The following OTOGL variants were observed in gnomAD, a reference collection of about 807,000 sequenced individuals.
OTOGL encodes the protein otogelin-like protein.
Under a neutral mutation model 318.5 loss-of-function variants are expected in OTOGL, and 285 were observed. That is an observed-to-expected ratio of 0.89 (90% CI 0.81 to 0.99). The LOEUF is 0.99. Ranked by LOEUF, OTOGL falls within the 50% of genes least tolerant of loss-of-function variation. OTOGL has a pLI of 0.00. For synonymous variants in OTOGL, 987 were observed against 936.5 expected, an observed-to-expected ratio of 1.05 and a Z score of -0.99; for missense variants, 2,899 against 2,845.6, an observed-to-expected ratio of 1.02 and a Z score of -0.43.
intron 1 of OTOGL, among the ~76,000 whole-genome samples, chr12:80,116,101 A>G (rs1174212369): frequency 6.6e-6 from 1 of 152,140 alleles, no homozygotes; most frequent in Non-Finnish European, 1.5e-5. Flanking sequence ...GGGATGTGCA[A>G]AGAAACTCCT....
chr12:80,328,515 T>C (rs1887847626), intron 35 of OTOGL, 150 bp from the exon 36 acceptor site: 5 of 622,138 alleles, frequency 8.0e-6, no homozygotes, highest in Admixed American at 3.0e-5. Context: ...TAAAACGAAG[T>C]AGCAGATGGA....
intron 1 of OTOGL, among the ~76,000 whole-genome samples, chr12:80,129,348 A>G (rs1268649694): frequency 6.6e-6 from 1 of 152,200 alleles, no homozygotes; most frequent in Non-Finnish European, 1.5e-5. Context: ...ACTTGTCAAT[A>G]CTTTGGCCTT....
At chr12:80,304,103 C>T (rs1304388311) in intron 28 of OTOGL, among the ~76,000 whole-genome samples, 1 of 152,188 alleles carries the variant, frequency 6.6e-6, no homozygotes, top group East Asian at 1.9e-4. Flanking sequence ...TTGGGTCTGG[C>T]TTCTTTGACT....
intron 24 of OTOGL, among the ~76,000 whole-genome samples, chr12:80,274,052 G>A (rs957215676): frequency 1.3e-5 from 2 of 151,864 alleles, no homozygotes; most frequent in Non-Finnish European, 2.9e-5. Flanking sequence ...TATTCCCTGA[G>A]ACACAATACT....
intron 57 of OTOGL, among the ~76,000 whole-genome samples, chr12:80,376,544 T>C (rs946576316): frequency 2.0e-5 from 3 of 152,138 alleles, no homozygotes; most frequent in African/African-American, 7.2e-5. Context: ...ACAAAGTGTT[T>C]TCATTTGAAA....
At chr12:80,102,604 A>G (rs956803731) in intron 1 of OTOGL, among the ~76,000 whole-genome samples, 3 of 152,140 alleles carry the variant, frequency 2.0e-5, no homozygotes, top group Non-Finnish European at 4.4e-5. Context: ...TTACTTAAAC[A>G]TCCTTCCTGA....
chr12:80,218,555 T>G (rs1877962942), intron 5 of OTOGL, among the ~76,000 whole-genome samples: 1 of 152,178 alleles, frequency 6.6e-6, no homozygotes, highest in African/African-American at 2.4e-5. Flanking sequence ...TCTTGTCCTC[T>G]CCTTATTAGA....
chr12:80,364,100 A>T (rs1488820124), intron 52 of OTOGL, among the ~76,000 whole-genome samples: 1 of 152,148 alleles, frequency 6.6e-6, no homozygotes, highest in Non-Finnish European at 1.5e-5. Flanking sequence ...GAATTTTAAA[A>T]TGACTTTTAT....
At chr12:80,262,189 A>G in intron 19 of OTOGL, 96 bp downstream of exon 19, 4 of 1,217,350 alleles carry the variant, frequency 3.3e-6, no homozygotes, top group Non-Finnish European at 4.3e-6. Flanking sequence ...TTAAATTCTA[A>G]TTTTCTCCAT....
chr12:80,276,853 C>A (rs1035342540), intron 24 of OTOGL, among the ~76,000 whole-genome samples: 1 of 151,518 alleles, frequency 6.6e-6, no homozygotes, highest in Admixed American at 6.6e-5. Flanking sequence ...AGCTGAAAGT[C>A]TAGTGGACAG....
chr12:80,150,060 G>T (rs374964726), intron 1 of OTOGL, among the ~76,000 whole-genome samples: 8 of 152,140 alleles, frequency 5.3e-5, no homozygotes, highest in Admixed American at 1.3e-4. Flanking sequence ...GTTCCTATTC[G>T]GCCATCTTGG....
At chr12:80,187,457 A>G (rs1875371143) in intron 1 of OTOGL, among the ~76,000 whole-genome samples, 1 of 152,170 alleles carries the variant, frequency 6.6e-6, no homozygotes, top group South Asian at 2.1e-4. Context: ...CATTTTTAAG[A>G]AAGGACGACA....
chr12:80,233,052 G>A lies in OTOGL; in HGVS notation c.772G>A (p.Gly258Arg). Residue 258 changes from glycine (G) to arginine (R), a missense_variant, in exon 9 of 59, where the codon GGA becomes AGA. Gly to Arg is a moderately radical substitution (Grantham distance 125, BLOSUM62 -2). Coordinates refer to ENST00000547103, the MANE Select transcript of OTOGL (RefSeq NM_001378609.3). ...DHKGKSCGLCGNYNDIQSDDF... is the reference protein window; with the variant it reads ...DHKGKSCGLCRNYNDIQSDDF... ...TAAGGGGAAATCATGTGGCCTATGT[G>A]GAAACTACAATGACATTCAATCTGA... is the stretch of plus-strand genomic sequence containing the variant. 1 of 1,598,254 alleles carries A rather than the reference G, an allele frequency of 6.3e-7. No homozygotes were observed. The highest frequency in any genetic ancestry group is 1.1e-5 in the South Asian group (1 of 91,040).
Position 80,252,019 on chromosome 12 carries a change from A to T in OTOGL, c.1160-57A>T, listed in dbSNP as rs2100258. Reference sequence around the variant, plus strand: ...TTGTAAAAAATAAAATTATAATTTTAAAAAAGAAATAGAGGCTAATAAAAT... The same window carrying T: ...TTGTAAAAAATAAAATTATAATTTTTAAAAAGAAATAGAGGCTAATAAAAT... On this transcript the variant is annotated intron_variant, in intron 12 of 58. Transcript: ENST00000547103. 1,414,913 of 1,415,850 alleles carry T rather than the reference A, an allele frequency of 1. 706,993 individuals carry two copies. The highest frequency in any genetic ancestry group is 1 in the East Asian group (37,871 of 37,872). The allele number at this position is 1,415,850 out of a possible 1,614,324, so 87.7% of individuals were successfully genotyped here.
intron 1 of OTOGL, among the ~76,000 whole-genome samples, chr12:80,207,272 G>A (rs1187403894): frequency 1.3e-5 from 2 of 152,014 alleles, no homozygotes; most frequent in African/African-American, 4.8e-5. Context: ...CACGATCTCT[G>A]CTCACCACAA....
At chr12:80,158,926 T>A (rs1322854680) in intron 1 of OTOGL, among the ~76,000 whole-genome samples, 1 of 152,108 alleles carries the variant, frequency 6.6e-6, no homozygotes, top group Non-Finnish European at 1.5e-5. Flanking sequence ...TCAGAGGGAA[T>A]GCTTTAAACT....
intron 55 of OTOGL, 42 bp from the exon 56 acceptor site, chr12:80,370,528 G>T: frequency 7.1e-7 from 1 of 1,418,266 alleles, no homozygotes; most frequent in Non-Finnish European, 9.3e-7. Flanking sequence ...AAATACAGCA[G>T]ATTTTAATAT....
chr12:80,137,251 G>T (rs71463857), intron 1 of OTOGL, among the ~76,000 whole-genome samples: 1 of 151,628 alleles, frequency 6.6e-6, no homozygotes, highest in African/African-American at 2.4e-5. Flanking sequence ...TTATATAATA[G>T]TATCTCGGTA....
At chr12:80,340,904 ATAG>A (rs1888724118) in intron 43 of OTOGL, among the ~76,000 whole-genome samples, 1 of 150,734 alleles carries the variant, frequency 6.6e-6, no homozygotes, top group Admixed American at 6.6e-5. Flanking sequence ...GACTTAAAAA[ATAG>A]TAGCTCCTTT....
Sources: allele counts gnomAD v4.1 joint callset (sites outside exome capture counted in the v4.1 genomes callset), GRCh38; gene constraint gnomAD v4.1.1; transcripts MANE v1.5; gene names NCBI Gene and HGNC (gene_info 2026-07-23, HGNC 2026-07-21).